MAGI2: variants seen among roughly 807,000 people sequenced by gnomAD.
The protein encoded by MAGI2 is membrane associated guanylate kinase, WW and PDZ domain containing 2, also known as membrane-associated guanylate kinase, WW and PDZ domain-containing protein 2.
Under a neutral mutation model 133.3 loss-of-function variants are expected in MAGI2, and 35 were observed. The observed-to-expected ratio is 0.26, with a 90% confidence interval of 0.20 to 0.35. The LOEUF (loss-of-function observed/expected upper bound fraction) is 0.35. Among genes scored for constraint, MAGI2 ranks in the 10% least tolerant of loss-of-function variants. The pLI is 1.00. For synonymous variants in MAGI2, 729 were observed against 710.6 expected (o/e 1.03, Z -0.41); for missense variants, 1,636 against 1,863.4 (o/e 0.88, Z 2.25).
chr7:78,493,866 T>C (rs956754483), intron 5 of MAGI2, among the ~76,000 whole-genome samples: 3 of 152,304 alleles, frequency 2.0e-5, no homozygotes, highest in Admixed American at 6.5e-5. Flanking sequence ...TCCATGTGCA[T>C]AGAGACAAAA....
intron 9 of MAGI2, among the ~76,000 whole-genome samples, chr7:78,296,028 A>C (rs940635094): frequency 2.0e-5 from 3 of 152,104 alleles, no homozygotes; most frequent in Admixed American, 6.6e-5. Context: ...CATTGCTATT[A>C]CCCTAGTTTC....
At chr7:78,423,002 T>C (rs1277415214) in intron 6 of MAGI2, among the ~76,000 whole-genome samples, 2 of 152,236 alleles carry the variant, frequency 1.3e-5, no homozygotes, top group African/African-American at 4.8e-5. Context: ...TTTCCACCTA[T>C]TGTTATTATT....
intron 9 of MAGI2, among the ~76,000 whole-genome samples, chr7:78,334,033 G>A (rs1248332214): frequency 6.6e-6 from 1 of 152,170 alleles, no homozygotes; most frequent in East Asian, 1.9e-4. Flanking sequence ...TCTGGATATA[G>A]GTTGGTTATG....
rs140218000 is a variant in MAGI2 at position 78,989,423 on chromosome 7, T to C, written c.418+17667A>G. 2.6e-3 allele frequency among the ~76,000 whole-genome samples: 398 copies of C among 152,148 alleles called. 2 individuals are homozygous for C. Among genetic ancestry groups the C allele is most frequent in the African/African-American group, 8.9e-3 (371 of 41,544 alleles). On this transcript the variant is annotated intron_variant, in intron 2 of 21. Transcript: ENST00000354212. ...ACGAAGTTTTTGAAACATTTTATTC[T>C]ACAGGGTTGATGGAAGACATGATAG... is the stretch of plus-strand genomic sequence containing the variant.
intron 1 of MAGI2, among the ~76,000 whole-genome samples, chr7:79,070,623 C>CT: frequency 6.6e-6 from 1 of 151,838 alleles, no homozygotes; most frequent in South Asian, 2.1e-4. Context: ...TTCTGAATAG[C>CT]TGGGACTACA....
chr7:78,174,870 T>C (rs1011522025), intron 14 of MAGI2, among the ~76,000 whole-genome samples: 5 of 152,182 alleles, frequency 3.3e-5, no homozygotes, highest in African/African-American at 7.2e-5. Context: ...ATCATGCCCA[T>C]GTAACAAAAC....
At chr7:78,637,073 AT>A (rs1233313230) in intron 2 of MAGI2, among the ~76,000 whole-genome samples, 1 of 152,208 alleles carries the variant, frequency 6.6e-6, no homozygotes, top group Non-Finnish European at 1.5e-5. Flanking sequence ...ACAGTGTTAA[AT>A]TTCCTCATCA....
intron 1 of MAGI2, among the ~76,000 whole-genome samples, chr7:79,330,180 CTTTTTTTTTTTTTT>C (rs544172383): frequency 3.0e-4 from 18 of 59,128 alleles, no homozygotes; most frequent in African/African-American, 1.4e-3. Context: ...CAATCTGCAT[CTTTTTTTTTTTTTT>C]TTTTTTTTTT....
At chr7:78,953,660 T>C (rs1429673390) in intron 2 of MAGI2, among the ~76,000 whole-genome samples, 1 of 152,152 alleles carries the variant, frequency 6.6e-6, no homozygotes, top group African/African-American at 2.4e-5. Flanking sequence ...TTTTCTCCTC[T>C]GTCTTTGCTT....
Position 78,624,064 on chromosome 7 carries a change from T to C in MAGI2, c.538+3056A>G, listed in dbSNP as rs149873944. Among the ~76,000 whole-genome samples the C allele has an allele frequency of 6.8e-3, 1,038 of 152,262 alleles. 14 individuals carry two copies. The highest frequency in any genetic ancestry group is 0.018 in the African/African-American group (765 of 41,578). On this transcript the variant is annotated intron_variant, in intron 3 of 21. Transcript: ENST00000354212. ...GGTATCTCATTGTGGTTTTGATTTG[T>C]GTTTCTTTAATGATCAGTGATGTTG...
intron 2 of MAGI2, among the ~76,000 whole-genome samples, chr7:78,656,004 GAA>G (rs1812233576): frequency 8.1e-6 from 1 of 123,048 alleles, no homozygotes; most frequent in Non-Finnish European, 1.8e-5. Flanking sequence ...AAAAGAAAAA[GAA>G]AAGAGGTTTG....
intron 21 of MAGI2, among the ~76,000 whole-genome samples, chr7:78,038,850 G>T (rs527418428): frequency 6.6e-6 from 1 of 152,240 alleles, no homozygotes; most frequent in Non-Finnish European, 1.5e-5. Flanking sequence ...TGTTGGTTTA[G>T]TTAAGTTCGT....
chr7:78,857,957 A>C (rs1226768575), intron 2 of MAGI2, among the ~76,000 whole-genome samples: 1 of 152,138 alleles, frequency 6.6e-6, no homozygotes, highest in Non-Finnish European at 1.5e-5. Context: ...TCAGCGATTC[A>C]GCTTCTTCCT....
chr7:79,315,334 T>A (rs947180318), intron 1 of MAGI2, among the ~76,000 whole-genome samples: 1 of 90,350 alleles, frequency 1.1e-5, no homozygotes, highest in Non-Finnish European at 3.0e-5. Flanking sequence ...AATTTTTTTT[T>A]TTTTTTTTTT....
intron 1 of MAGI2, among the ~76,000 whole-genome samples, chr7:79,298,541 T>G (rs2129559472): frequency 6.6e-6 from 1 of 152,278 alleles, no homozygotes; most frequent in South Asian, 2.1e-4. Flanking sequence ...CATAGTAAAT[T>G]TTTTTCATTA....
At chr7:78,093,348 G>C (rs1186070178) in intron 20 of MAGI2, among the ~76,000 whole-genome samples, 1 of 151,744 alleles carries the variant, frequency 6.6e-6, no homozygotes, top group East Asian at 1.9e-4. Flanking sequence ...CAACTACTCT[G>C]GAGGCTGAGG....
chr7:78,441,561 T>A (rs1787633776), intron 6 of MAGI2, among the ~76,000 whole-genome samples: 1 of 152,122 alleles, frequency 6.6e-6, no homozygotes, highest in South Asian at 2.1e-4. Flanking sequence ...CTGTGATTAG[T>A]TTACAGCTCC....
At chr7:78,576,598 G>A (rs1802291435) in intron 3 of MAGI2, among the ~76,000 whole-genome samples, 1 of 147,440 alleles carries the variant, frequency 6.8e-6, no homozygotes, top group Non-Finnish European at 1.5e-5. Context: ...GACCACAGAG[G>A]AAGGAATGTT....
intron 2 of MAGI2, among the ~76,000 whole-genome samples, chr7:78,637,223 G>A (rs1809765288): frequency 6.6e-6 from 1 of 152,180 alleles, no homozygotes; most frequent in Non-Finnish European, 1.5e-5. Context: ...GAGTCATGAG[G>A]AGTATTTTTC....
Sources: gnomAD v4.1 joint callset for allele counts (sites outside exome capture counted in the v4.1 genomes callset) on GRCh38, gnomAD v4.1.1 for gene constraint, MANE v1.5 for transcripts, NCBI Gene and HGNC (gene_info 2026-07-23, HGNC 2026-07-21) for gene names.